ANKRD31: variants seen among roughly 807,000 people sequenced by gnomAD.
ANKRD31 encodes the protein ankyrin repeat domain-containing protein 31.
ANKRD31 carries 147 observed loss-of-function variants against 186.0 expected under a neutral mutation model. That is an observed-to-expected ratio of 0.79 (90% CI 0.69 to 0.91). The LOEUF is 0.91. Among genes scored for constraint, ANKRD31 ranks in the 40% least tolerant of loss-of-function variants. The pLI is 0.00. For synonymous variants in ANKRD31, 673 were observed against 736.4 expected, an observed-to-expected ratio of 0.91 and a Z score of 1.39; for missense variants, 1,986 against 2,148.8, an observed-to-expected ratio of 0.92 and a Z score of 1.50.
intron 23 of ANKRD31, among the ~76,000 whole-genome samples, chr5:75,090,263 A>C (rs1210442823): frequency 6.6e-6 from 1 of 152,202 alleles, no homozygotes; most frequent in Non-Finnish European, 1.5e-5. Context: ...AACCAAAACA[A>C]ACTTTGGGAA....
chr5:75,228,275 C>CA (rs1263214751), intron 2 of ANKRD31, among the ~76,000 whole-genome samples: 1 of 152,118 alleles, frequency 6.6e-6, no homozygotes, highest in African/African-American at 2.4e-5. Flanking sequence ...TATTTTAACA[C>CA]AAAAAATAAC....
At chr5:75,160,339 T>C (rs1752489552) in intron 11 of ANKRD31, among the ~76,000 whole-genome samples, 2 of 151,796 alleles carry the variant, frequency 1.3e-5, no homozygotes, top group African/African-American at 4.8e-5. Context: ...CTCAAAAATA[T>C]ACTAAAAAAA....
At chr5:75,191,547 A>G (rs1213348811) in intron 9 of ANKRD31, among the ~76,000 whole-genome samples, 6 of 152,030 alleles carry the variant, frequency 3.9e-5, no homozygotes. Context: ...GCTACTCTCT[A>G]TCACTGTAAA....
At chr5:75,223,810 A>G (rs1017593726) in intron 2 of ANKRD31, among the ~76,000 whole-genome samples, 2 of 152,080 alleles carry the variant, frequency 1.3e-5, no homozygotes, top group African/African-American at 4.8e-5. Context: ...TTGAGGGTGA[A>G]GCCCTCATAA....
At chr5:75,181,562 T>A (rs1754295250) in intron 10 of ANKRD31, among the ~76,000 whole-genome samples, 1 of 151,926 alleles carries the variant, frequency 6.6e-6, no homozygotes, top group Non-Finnish European at 1.5e-5. Flanking sequence ...GCCATAAAAA[T>A]GATGAGTTCA....
chr5:75,130,168 A>C (rs976659225), intron 17 of ANKRD31, among the ~76,000 whole-genome samples: 1 of 152,110 alleles, frequency 6.6e-6, no homozygotes, highest in African/African-American at 2.4e-5. Context: ...TGAGTGTTAC[A>C]GCTCTTAAAG....
intron 25 of ANKRD31, among the ~76,000 whole-genome samples, chr5:75,077,134 C>T (rs964709266): frequency 4.6e-5 from 7 of 152,086 alleles, no homozygotes; most frequent in African/African-American, 9.7e-5. Flanking sequence ...AATGGCGTGA[C>T]CATAGCTCAC....
intron 10 of ANKRD31, among the ~76,000 whole-genome samples, chr5:75,177,018 C>A (rs1190414938): frequency 6.6e-6 from 1 of 152,106 alleles, no homozygotes; most frequent in East Asian, 1.9e-4. Context: ...CTAGAATAAT[C>A]AATGCAGAGA....
intron 22 of ANKRD31, among the ~76,000 whole-genome samples, chr5:75,096,993 T>A (rs1294856034): frequency 6.6e-6 from 1 of 152,160 alleles, no homozygotes; most frequent in Non-Finnish European, 1.5e-5. Context: ...CATGAACTCA[T>A]CTTTTTTATG....
chr5:75,179,343 C>T (rs1374059595), intron 10 of ANKRD31, among the ~76,000 whole-genome samples: 1 of 152,152 alleles, frequency 6.6e-6, no homozygotes, highest in Non-Finnish European at 1.5e-5. Flanking sequence ...GAAACTATTC[C>T]AATCAATAGA....
chr5:75,192,572 G>T, intron 9 of ANKRD31, 95 bp downstream of exon 9: 3 of 1,022,072 alleles, frequency 2.9e-6, no homozygotes, highest in Non-Finnish European at 4.2e-6. Flanking sequence ...TTCCTCATCA[G>T]CAAAATTAGA....
rs758339025 is a variant in ANKRD31 at position 75,104,208 on chromosome 5, G to A, written c.5331+20C>T. On this transcript the variant is annotated intron_variant, in intron 22 of 25. Transcript: ENST00000506364. ...TATTTATAAAATTTGCATGATTTTA[G>A]AGAAAAAAATATAGAATACCTGTGT... 1 of 1,453,498 alleles carries A rather than the reference G, an allele frequency of 6.9e-7. No individual in the cohort carries two copies. Among genetic ancestry groups the A allele is most frequent in the South Asian group, 1.4e-5 (1 of 71,190 alleles). 90.0% of individuals were successfully genotyped at this position (1,453,498 alleles called of 1,614,324 possible).
chr5:75,195,425 G>A (rs2150249770), intron 7 of ANKRD31, among the ~76,000 whole-genome samples: 1 of 151,644 alleles, frequency 6.6e-6, no homozygotes, highest in Middle Eastern at 3.4e-3. Context: ...ATCACTCTAT[G>A]CTTCCAAGTC....
intron 14 of ANKRD31, among the ~76,000 whole-genome samples, chr5:75,145,568 C>A (rs1751373683): frequency 6.6e-6 from 1 of 152,056 alleles, no homozygotes; most frequent in East Asian, 1.9e-4. Context: ...ACATCACACA[C>A]CAGGGCCTGT....
At chr5:75,080,728 G>A (rs557461164) in intron 24 of ANKRD31, 89 bp from the exon 25 acceptor site, 1 of 680,028 alleles carries the variant, frequency 1.5e-6, no homozygotes, top group Non-Finnish European at 2.3e-6. Flanking sequence ...CTACCGATGG[G>A]AAATACAAAT....
chr5:75,095,398 C>G (rs187201353), intron 22 of ANKRD31, among the ~76,000 whole-genome samples: 1 of 151,870 alleles, frequency 6.6e-6, no homozygotes, highest in Non-Finnish European at 1.5e-5. Flanking sequence ...GGCATGAACC[C>G]GGCAGGCAGA....
intron 12 of ANKRD31, among the ~76,000 whole-genome samples, chr5:75,150,771 G>T (rs1194831128): frequency 1.3e-5 from 2 of 151,984 alleles, no homozygotes; most frequent in Non-Finnish European, 2.9e-5. Flanking sequence ...ATTTAAAATA[G>T]AGAAGTCAAG....
rs570223374 is a variant in ANKRD31 at position 75,135,000 on chromosome 5, A to T, written c.3876+2856T>A. 2.3e-4 allele frequency among the ~76,000 whole-genome samples: 35 copies of T among 152,328 alleles called. No individual in the cohort carries two copies. In the South Asian group the frequency reaches 7.3e-3, roughly 32 times the overall value. ...GCTAAAGACTCTCAATAAACTAGGT[A>T]TTGATGGGACGTATCTCAAAATAAT... is the stretch of plus-strand genomic sequence containing the variant. On this transcript the variant is annotated intron_variant, in intron 17 of 25. Transcript: ENST00000506364.
At chr5:75,223,224 G>A (rs6453123) in intron 2 of ANKRD31, among the ~76,000 whole-genome samples, 77,213 of 151,744 alleles carry the variant, frequency 0.51, 22,670 homozygotes, top group African/African-American at 0.82. Flanking sequence ...ATATGTTTGT[G>A]GCATATTACA....
Sources: gnomAD v4.1 joint callset for allele counts (sites outside exome capture counted in the v4.1 genomes callset) on GRCh38, gnomAD v4.1.1 for gene constraint, MANE v1.5 for transcripts, NCBI Gene and HGNC (gene_info 2026-07-23, HGNC 2026-07-21) for gene names.